XRN1: variants seen among roughly 807,000 people sequenced by gnomAD.
The protein encoded by XRN1 is 5'-3' exoribonuclease 1, also known as strand-exchange protein 1 homolog.
In XRN1, 67 loss-of-function variants were observed where a neutral mutation model predicts 222.3. That is an observed-to-expected ratio of 0.30 (90% CI 0.25 to 0.37). The LOEUF is 0.37. XRN1 is among the 10% of genes least tolerant of loss of function. XRN1 has a pLI of 1.00. For synonymous variants in XRN1, 643 were observed against 652.4 expected (o/e 0.99, Z 0.22); for missense variants, 1,707 against 2,000.2 (o/e 0.85, Z 2.80).
At chr3:142,432,942 A>G in intron 1 of XRN1, 49 bp from the exon 2 acceptor site, 1 of 1,386,418 alleles carries the variant, frequency 7.2e-7, no homozygotes, top group Non-Finnish European at 1.0e-6. Context: ...AATCAACTAC[A>G]GATATCTTAA....
At chr3:142,409,698 G>A (rs56791995) in intron 15 of XRN1, among the ~76,000 whole-genome samples, 10,607 of 152,138 alleles carry the variant, frequency 0.07, 1,245 homozygotes, top group African/African-American at 0.24. Flanking sequence ...ATAAAAACCT[G>A]CTAGGATTTT....
chr3:142,352,335 C>T (rs1044765246), intron 32 of XRN1, among the ~76,000 whole-genome samples: 2 of 152,138 alleles, frequency 1.3e-5, no homozygotes, highest in African/African-American at 4.8e-5. Context: ...ATCAGGAAAT[C>T]AGGTTTTGTG....
rs571067370 is a variant in XRN1, at chr3:142,416,464, A to G, written c.1436+676T>C. Among the ~76,000 whole-genome samples, 11 of 152,334 alleles carry G rather than the reference A, an allele frequency of 7.2e-5. 1 individual carries two copies. In the South Asian group the frequency reaches 2.3e-3, roughly 32 times the overall value. ...CTCCCAAAGCGATGGGATTAGAGGC[A>G]TGAGCCACTGTGCCCGAACACTTCA... On this transcript the variant is annotated intron_variant, in intron 13 of 40. Transcript: ENST00000392981.
intron 2 of XRN1, among the ~76,000 whole-genome samples, chr3:142,431,921 T>A (rs1421865979): frequency 1.4e-4 from 13 of 93,702 alleles, no homozygotes; most frequent in Non-Finnish European, 2.1e-4. Flanking sequence ...TAAATATATA[T>A]AATATAATAT....
chr3:142,356,656 A>G (rs1403449259), intron 31 of XRN1, among the ~76,000 whole-genome samples: 2 of 152,242 alleles, frequency 1.3e-5, no homozygotes, highest in African/African-American at 4.8e-5. Context: ...ATTTACAGAG[A>G]AAGCATGGAC....
chr3:142,355,575 C>T (rs1170876856), intron 31 of XRN1, 79 bp from the exon 32 acceptor site: 3 of 970,926 alleles, frequency 3.1e-6, no homozygotes, highest in South Asian at 3.5e-5. Context: ...AATAATTCAT[C>T]TATTAATGTT....
chr3:142,418,952 T>G, intron 10 of XRN1, 71 bp from the exon 11 acceptor site: 1 of 1,409,368 alleles, frequency 7.1e-7, no homozygotes, highest in Non-Finnish European at 1.0e-6. Context: ...TTCTCTTCCA[T>G]GCACCCATTT....
intron 33 of XRN1, among the ~76,000 whole-genome samples, chr3:142,336,253 A>C (rs561064090): frequency 6.6e-6 from 1 of 152,160 alleles, no homozygotes; most frequent in African/African-American, 2.4e-5. Context: ...CATGAGGTAG[A>C]TATGAAGAAG....
chr3:142,389,048 C>G (rs2067616377), intron 20 of XRN1, among the ~76,000 whole-genome samples: 1 of 152,188 alleles, frequency 6.6e-6, no homozygotes, highest in Non-Finnish European at 1.5e-5. Context: ...AACTCTGTCT[C>G]TACTAAATAT....
rs1474750506 is a variant in XRN1, at chr3:142,432,789, G to C, written c.180C>G (p.Ile60Met). ...CCAGGTAGTGAAAAATATCAGTAAA[G>C]ATTTTATCATCTGAAATTCTAAAGT... Reference protein sequence around the residue: ...DVHFRISDDKIFTDIFHYLEV... With the variant: ...DVHFRISDDKMFTDIFHYLEV... Residue 60 changes from isoleucine to methionine, a missense_variant, in exon 2 of 41, where the codon ATC (isoleucine) becomes ATG (methionine). Ile to Met is a conservative substitution (Grantham distance 10). Coordinates refer to ENST00000392981, the MANE Select transcript of XRN1 (RefSeq NM_001282857.2). The C allele has an allele frequency of 3.1e-6, 5 of 1,613,872 alleles. No individual in the cohort carries two copies. Among genetic ancestry groups the C allele is most frequent in the Non-Finnish European group, 4.2e-6 (5 of 1,179,974 alleles).
chr3:142,424,870 A>AAC (rs10662075), intron 5 of XRN1, among the ~76,000 whole-genome samples: 6 of 151,270 alleles, frequency 4.0e-5, no homozygotes. Flanking sequence ...AATGCCAAAA[A>AAC]GTCTACTAAA....
chr3:142,318,607 A>T lies in XRN1; in HGVS notation c.4606T>A (p.Phe1536Ile). The T allele has an allele frequency of 6.2e-7, 1 of 1,606,496 alleles. No individual in the cohort carries two copies. Among genetic ancestry groups the T allele is most frequent in the South Asian group, 1.1e-5 (1 of 88,958 alleles). The part of the protein sequence containing the change: ...AVPPGTIPPA[F>I]PPPTANIMPS... ...AATATCTTACCAGTAGGTGGGGGAA[A>T]GGCTGGAGGAATGGTTCCAGGTGGT... The change falls in exon 39 of 41, where the codon TTT becomes ATT. Residue 1536 changes from phenylalanine to isoleucine, a missense_variant. By Grantham distance (21) the Phe-to-Ile change is conservative (BLOSUM62 0). Coordinates refer to ENST00000392981, the MANE Select transcript of XRN1 (RefSeq NM_001282857.2).
At chr3:142,444,217 G>A (rs2070389322) in intron 1 of XRN1, among the ~76,000 whole-genome samples, 1 of 152,162 alleles carries the variant, frequency 6.6e-6, no homozygotes, top group African/African-American at 2.4e-5. Context: ...GGCCGAGGCG[G>A]GCAGATCACT....
Position 142,371,336 on chromosome 3 carries a change from A to C in XRN1, c.2979-8T>G. On this transcript the variant is annotated splice_region_variant and splice_polypyrimidine_tract_variant and intron_variant, in intron 25 of 40. Coordinates refer to ENST00000392981, the MANE Select transcript of XRN1 (RefSeq NM_001282857.2). ...CTAAATAGTTCTGGAGCTCTGGTCAAACAAACAAAAATATTGTCTTAAAAT... is the reference window on the plus strand; with the variant it reads ...CTAAATAGTTCTGGAGCTCTGGTCACACAAACAAAAATATTGTCTTAAAAT... 6.3e-7 allele frequency: 1 copy of C among 1,591,772 alleles called. No individual in the cohort carries two copies. The highest frequency in any genetic ancestry group is 8.6e-7 in the Non-Finnish European group (1 of 1,168,024).
In XRN1 at chr3:142,422,822, T is replaced by C. The variant is rs2069095324; in HGVS notation, c.798+13A>G. ...AATGGAAATCCTTGGTCCATGGCTT[T>C]ATTAATACTTACTTTTAATACTGAA... On this transcript the variant is annotated intron_variant, in intron 7 of 40. Coordinates refer to ENST00000392981, the MANE Select transcript of XRN1 (RefSeq NM_001282857.2). 4 of 1,604,920 alleles carry C rather than the reference T, an allele frequency of 2.5e-6. No individual in the cohort carries two copies. The highest frequency in any genetic ancestry group is 3.4e-6 in the Non-Finnish European group (4 of 1,174,444).
chr3:142,442,178 T>C (rs2070247795), intron 1 of XRN1, among the ~76,000 whole-genome samples: 1 of 152,128 alleles, frequency 6.6e-6, no homozygotes, highest in Non-Finnish European at 1.5e-5. Context: ...TGCAGCAATA[T>C]GGAGAGAAAG....
chr3:142,372,216 C>CG (rs1163854861), intron 25 of XRN1, among the ~76,000 whole-genome samples: 2 of 152,084 alleles, frequency 1.3e-5, no homozygotes, highest in Non-Finnish European at 2.9e-5. Context: ...ATACCAGTCA[C>CG]GGACTTAGGG....
At chr3:142,441,330 A>G (rs1208212056) in intron 1 of XRN1, among the ~76,000 whole-genome samples, 1 of 152,266 alleles carries the variant, frequency 6.6e-6, no homozygotes, top group Non-Finnish European at 1.5e-5. Flanking sequence ...ATACCCATTT[A>G]GTAAGATGGA....
At chr3:142,348,318 T>C (rs1228111770) in intron 32 of XRN1, among the ~76,000 whole-genome samples, 1 of 152,154 alleles carries the variant, frequency 6.6e-6, no homozygotes, top group East Asian at 1.9e-4. Flanking sequence ...TTAATAACAA[T>C]CCCAATACCT....
Sources: gnomAD v4.1 joint callset for allele counts (sites outside exome capture counted in the v4.1 genomes callset) on GRCh38, gnomAD v4.1.1 for gene constraint, MANE v1.5 for transcripts, NCBI Gene and HGNC (gene_info 2026-07-23, HGNC 2026-07-21) for gene names.